Variants in TNR observed in about 807,000 individuals in gnomAD.
TNR encodes the protein tenascin R.
Under a neutral mutation model 150.4 loss-of-function variants are expected in TNR, and 45 were observed. The observed-to-expected ratio is 0.30, with a 90% confidence interval of 0.24 to 0.38. The LOEUF (loss-of-function observed/expected upper bound fraction) is 0.38. TNR is among the 10% of genes least tolerant of loss of function. The probability of loss-of-function intolerance (pLI) is 1.00; values close to 1 mark genes in which losing one functional copy is unlikely to be tolerated. For missense variants in TNR, 1,544 were observed against 1,759.1 expected (o/e 0.88, Z 2.19); for synonymous variants, 687 against 678.4 (o/e 1.01, Z -0.20).
chr1:175,523,118 C>T (rs1659708884), intron 2 of TNR, among the ~76,000 whole-genome samples: 1 of 152,156 alleles, frequency 6.6e-6, no homozygotes, highest in African/African-American at 2.4e-5. Flanking sequence ...CATATTCAAT[C>T]AATACAATCA....
At chr1:175,457,647 A>G (rs1656625173) in intron 2 of TNR, among the ~76,000 whole-genome samples, 1 of 152,240 alleles carries the variant, frequency 6.6e-6, no homozygotes, top group African/African-American at 2.4e-5. Context: ...TTGAAGCAAA[A>G]AAACAGAAAG....
chr1:175,407,118 C>T (rs1654001401), intron 2 of TNR, among the ~76,000 whole-genome samples: 1 of 152,154 alleles, frequency 6.6e-6, no homozygotes, highest in Non-Finnish European at 1.5e-5. Context: ...GAGGAGAACT[C>T]AGAGTTTCTT....
chr1:175,612,621 A>T (rs1200558660), intron 1 of TNR, among the ~76,000 whole-genome samples: 1 of 152,180 alleles, frequency 6.6e-6, no homozygotes, highest in Non-Finnish European at 1.5e-5. Context: ...TTTTCTTCAC[A>T]TATAAAATAA....
intron 1 of TNR, among the ~76,000 whole-genome samples, chr1:175,578,513 C>T (rs1347545359): frequency 1.3e-5 from 2 of 152,066 alleles, no homozygotes; most frequent in African/African-American, 2.4e-5. Flanking sequence ...ATGAAAATGA[C>T]ATGGGCATAC....
At chr1:175,544,161 G>A (rs527291765) in intron 1 of TNR, among the ~76,000 whole-genome samples, 1 of 152,186 alleles carries the variant, frequency 6.6e-6, no homozygotes, top group Non-Finnish European at 1.5e-5. Context: ...CTTAAGCAAC[G>A]AAGAGGCAAG....
At position 175,645,076 on chromosome 1, in the gene TNR, C is replaced by T. The variant is rs187790380; in HGVS notation, c.-165+98150G>A. ...GTGTAGAGCTCTGAGTTAAGTATAA[C>T]TGAATTTTTTATTACAATTTTAGCT... On this transcript the variant is annotated intron_variant, in intron 1 of 22. Transcript: ENST00000367674. Among the ~76,000 whole-genome samples, 5 of 151,186 alleles carry T rather than the reference C, an allele frequency of 3.3e-5. No homozygotes were observed. The East Asian group carries it at 9.8e-4, about 30-fold the overall frequency.
At chr1:175,730,244 C>A (rs1385148265) in intron 1 of TNR, among the ~76,000 whole-genome samples, 2 of 152,196 alleles carry the variant, frequency 1.3e-5, no homozygotes, top group African/African-American at 4.8e-5. Flanking sequence ...GGGAGTGCCC[C>A]TTCTGGGTTG....
intron 1 of TNR, among the ~76,000 whole-genome samples, chr1:175,651,648 A>G (rs986499453): frequency 6.6e-6 from 1 of 152,084 alleles, no homozygotes; most frequent in Non-Finnish European, 1.5e-5. Flanking sequence ...GTAGTGTTCA[A>G]ACAAAATAAT....
intron 1 of TNR, among the ~76,000 whole-genome samples, chr1:175,733,563 A>G (rs1013729107): frequency 3.9e-5 from 6 of 152,064 alleles, no homozygotes; most frequent in African/African-American, 1.4e-4. Flanking sequence ...ACAAACGAAA[A>G]AAAGGGGTAG....
At chr1:175,490,938 T>A (rs952798792) in intron 2 of TNR, among the ~76,000 whole-genome samples, 2 of 152,244 alleles carry the variant, frequency 1.3e-5, no homozygotes, top group Non-Finnish European at 2.9e-5. Context: ...ATTGCAGCAC[T>A]ATTCACAATA....
At chr1:175,556,427 C>T (rs901995057) in intron 1 of TNR, among the ~76,000 whole-genome samples, 2 of 152,212 alleles carry the variant, frequency 1.3e-5, no homozygotes, top group Non-Finnish European at 2.9e-5. Context: ...TTTTCTAAAT[C>T]CAACTTGTAC....
chr1:175,619,115 G>C (rs1571682554), intron 1 of TNR, among the ~76,000 whole-genome samples: 2 of 152,122 alleles, frequency 1.3e-5, no homozygotes, highest in African/African-American at 4.8e-5. Context: ...GTGACTGAGT[G>C]CCTGTTCTCT....
chr1:175,532,126 T>C (rs1035214691), intron 1 of TNR, among the ~76,000 whole-genome samples: 2 of 152,244 alleles, frequency 1.3e-5, no homozygotes, highest in African/African-American at 4.8e-5. Context: ...TAAACCTTGT[T>C]GCTTGAAAGG....
At chr1:175,323,932 G>A (rs754628117) in intron 22 of TNR, among the ~76,000 whole-genome samples, 23 of 152,192 alleles carry the variant, frequency 1.5e-4, no homozygotes, top group Non-Finnish European at 2.8e-4. Flanking sequence ...TTAACACTTA[G>A]AAAGTCTAGT....
intron 2 of TNR, among the ~76,000 whole-genome samples, chr1:175,474,604 A>C (rs1393461620): frequency 6.6e-6 from 1 of 152,230 alleles, no homozygotes; most frequent in Non-Finnish European, 1.5e-5. Flanking sequence ...GCTCATTCTT[A>C]GGGAGAAGAA....
intron 2 of TNR, among the ~76,000 whole-genome samples, chr1:175,421,767 T>A (rs1036582421): frequency 6.6e-6 from 1 of 152,194 alleles, no homozygotes; most frequent in Non-Finnish European, 1.5e-5. Context: ...ACCAGCTGCA[T>A]TTGATTAGGA....
At chr1:175,401,625 T>G (rs559526886) in intron 4 of TNR, among the ~76,000 whole-genome samples, 1 of 152,318 alleles carries the variant, frequency 6.6e-6, no homozygotes, top group East Asian at 1.9e-4. Flanking sequence ...GCATTATTGT[T>G]GTTTTTCTTT....
At chr1:175,495,217 G>T (rs1658435511) in intron 2 of TNR, among the ~76,000 whole-genome samples, 1 of 152,212 alleles carries the variant, frequency 6.6e-6, no homozygotes, top group African/African-American at 2.4e-5. Context: ...GATACATCAT[G>T]CACAGGGCTA....
At chr1:175,447,193 G>T in intron 2 of TNR, among the ~76,000 whole-genome samples, 1 of 151,974 alleles carries the variant, frequency 6.6e-6, no homozygotes, top group Admixed American at 6.6e-5. Context: ...GGAAGTAGGG[G>T]TGGTATGGAG....
Sources: allele counts gnomAD v4.1 joint callset (sites outside exome capture counted in the v4.1 genomes callset), GRCh38; gene constraint gnomAD v4.1.1; transcripts MANE v1.5; gene names NCBI Gene and HGNC (gene_info 2026-07-23, HGNC 2026-07-21).